The following NPSR1 variants were observed in gnomAD, a reference collection of about 807,000 sequenced individuals.
NPSR1 encodes the protein neuropeptide S receptor.
Under a neutral mutation model 46.9 loss-of-function variants are expected in NPSR1, and 48 were observed. The observed-to-expected ratio is 1.02, with a 90% CI of 0.81 to 1.30. The LOEUF is 1.30. Among genes scored for constraint, NPSR1 ranks in the 50% most tolerant of loss-of-function variants. The probability of loss-of-function intolerance (pLI) is 0.00; values close to 1 mark genes in which losing one functional copy is unlikely to be tolerated. For synonymous variants in NPSR1, 176 were observed against 168.1 expected, an observed-to-expected ratio of 1.05 and a Z score of -0.36; for missense variants, 450 against 449.5, an observed-to-expected ratio of 1.00 and a Z score of -0.01.
Position 34,779,617 on chromosome 7 carries a change from A to G in NPSR1, c.384+1052A>G, listed in dbSNP as rs1337657718. The stretch of plus-strand genomic sequence containing the variant: ...TACAATCTTCTTTTGTGCTCTGAAT[A>G]TAACCTTGAAAGTTTGGTATGTCTG... On this transcript the variant is annotated intron_variant, in intron 3 of 8. Transcript: ENST00000360581. 3.2e-6 allele frequency: 4 copies of G among 1,238,896 alleles called. No homozygotes were observed. In the African/African-American group the frequency reaches 6.3e-5, roughly 19 times the overall value. The allele number at this position is 1,238,896 out of a possible 1,614,324, so 76.7% of individuals were successfully genotyped here.
intron 5 of NPSR1, 41 bp downstream of exon 5, chr7:34,827,643 C>CAGGGGGGGGGGGGGGGGGGG: frequency 2.5e-6 from 1 of 405,056 alleles, no homozygotes; most frequent in Non-Finnish European, 4.9e-6. Flanking sequence ...GGGGGTGGGG[C>CAGGGGGGGGGGGGGGGGGGG]GGGGGGGGCT....
intron 1 of NPSR1, among the ~76,000 whole-genome samples, chr7:34,661,484 T>C (rs1431206267): frequency 2.0e-5 from 3 of 152,184 alleles, no homozygotes; most frequent in African/African-American, 4.8e-5. Flanking sequence ...CTAGTTCTTA[T>C]CCTCTGAACT....
intron 2 of NPSR1, among the ~76,000 whole-genome samples, chr7:34,774,085 A>G (rs752914206): frequency 1.2e-4 from 19 of 152,278 alleles, no homozygotes; most frequent in Middle Eastern, 3.4e-3. Flanking sequence ...CTTCCACACG[A>G]ATAGATAACC....
At chr7:34,817,743 G>A (rs1047571121) in intron 4 of NPSR1, among the ~76,000 whole-genome samples, 9 of 151,800 alleles carry the variant, frequency 5.9e-5, no homozygotes, top group African/African-American at 9.7e-5. Context: ...CTTCATCCCC[G>A]GGATGGAAGG....
At chr7:34,732,853 G>A (rs1784490017) in intron 2 of NPSR1, among the ~76,000 whole-genome samples, 1 of 152,128 alleles carries the variant, frequency 6.6e-6, no homozygotes, top group Non-Finnish European at 1.5e-5. Context: ...GCCACAAAGG[G>A]GTGCTAATTC....
downstream of NPSR1, among the ~76,000 whole-genome samples, chr7:34,851,138 A>G (rs1790921788): frequency 6.6e-6 from 1 of 151,132 alleles, no homozygotes; most frequent in Admixed American, 6.6e-5. Flanking sequence ...TGACATTAAA[A>G]TCTCCTTGGC....
At chr7:34,661,528 G>A (rs912092070) in intron 1 of NPSR1, among the ~76,000 whole-genome samples, 11 of 152,108 alleles carry the variant, frequency 7.2e-5, no homozygotes, top group African/African-American at 2.4e-4. Flanking sequence ...AAAGCACCCC[G>A]TCTAGATCTT....
intron 8 of NPSR1, among the ~76,000 whole-genome samples, chr7:34,862,773 C>T (rs1210751727): frequency 2.6e-5 from 4 of 151,890 alleles, no homozygotes; most frequent in Admixed American, 1.3e-4. Context: ...TGACCATACA[C>T]ACCAATGCAC....
At chr7:34,792,399 C>A (rs2128744083) in intron 3 of NPSR1, among the ~76,000 whole-genome samples, 2 of 146,534 alleles carry the variant, frequency 1.4e-5, no homozygotes, top group Middle Eastern at 7.8e-3. Flanking sequence ...GTGGCTCACG[C>A]ATATAGTCCT....
chr7:34,787,899 A>G (rs760400306), intron 3 of NPSR1, among the ~76,000 whole-genome samples: 10 of 152,078 alleles, frequency 6.6e-5, no homozygotes, highest in Non-Finnish European at 1.3e-4. Context: ...CGTAATAATA[A>G]CAATAATGAA....
At chr7:34,802,378 A>G (rs1241713394) in intron 3 of NPSR1, among the ~76,000 whole-genome samples, 6 of 150,206 alleles carry the variant, frequency 4.0e-5, no homozygotes, top group African/African-American at 1.5e-4. Context: ...ATATAGATCA[A>G]TGGAACAGAA....
downstream of NPSR1, among the ~76,000 whole-genome samples, chr7:34,853,481 C>A (rs530457682): frequency 6.6e-6 from 1 of 152,284 alleles, no homozygotes; most frequent in South Asian, 2.1e-4. Flanking sequence ...AAACCCATGC[C>A]TCATTTCTCT....
chr7:34,848,723 A>G, intron 8 of NPSR1, 60 bp downstream of exon 8: 1 of 1,473,116 alleles, frequency 6.8e-7, no homozygotes, highest in Non-Finnish European at 9.3e-7. Context: ...GGATTCTGCC[A>G]ACATGTGGGT....
At chr7:34,757,382 C>A (rs551012610) in intron 2 of NPSR1, among the ~76,000 whole-genome samples, 1 of 152,244 alleles carries the variant, frequency 6.6e-6, no homozygotes, top group South Asian at 2.1e-4. Context: ...TACACTTATT[C>A]AAAACATTGC....
At chr7:34,808,696 CTTATA>C (rs1216947616) in intron 3 of NPSR1, among the ~76,000 whole-genome samples, 1 of 152,022 alleles carries the variant, frequency 6.6e-6, no homozygotes, top group East Asian at 1.9e-4. Context: ...TTTCTTCCTT[CTTATA>C]TATCTGAGAA....
intron 2 of NPSR1, among the ~76,000 whole-genome samples, chr7:34,715,530 A>C (rs1383346274): frequency 1.3e-5 from 2 of 152,164 alleles, no homozygotes; most frequent in African/African-American, 2.4e-5. Flanking sequence ...GGGTCATGTG[A>C]TGTGTTCAGG....
At chr7:34,745,963 A>C (rs1480602379) in intron 2 of NPSR1, among the ~76,000 whole-genome samples, 1 of 152,248 alleles carries the variant, frequency 6.6e-6, no homozygotes, top group Admixed American at 6.5e-5. Context: ...ATGAAAGTGA[A>C]AAGACAAATA....
chr7:34,861,003 A>G (rs552646477), intron 8 of NPSR1, among the ~76,000 whole-genome samples: 1 of 152,046 alleles, frequency 6.6e-6, no homozygotes, highest in Admixed American at 6.5e-5. Flanking sequence ...CAGGCAAGCT[A>G]AGGGACTGTT....
At position 34,849,746 on chromosome 7, in the gene NPSR1, A is replaced by C. The variant is rs913679932; in HGVS notation, c.*91A>C. ...GGGCACGTGCATGGAACCCGAGCCA[A>C]CTTCACCCCACCCTCGTCATTACCT... On this transcript the variant is annotated 3_prime_UTR_variant, in exon 9 of 9. Transcript: ENST00000360581. 5.9e-5 allele frequency: 93 copies of C among 1,574,998 alleles called. No individual in the cohort carries two copies. The highest frequency in any genetic ancestry group is 7.8e-5 in the Non-Finnish European group (91 of 1,161,282).
Sources: gnomAD v4.1 joint callset for allele counts (sites outside exome capture counted in the v4.1 genomes callset) on GRCh38, gnomAD v4.1.1 for gene constraint, MANE v1.5 for transcripts, NCBI Gene and HGNC (gene_info 2026-07-23, HGNC 2026-07-21) for gene names.